Variants in XPO6 observed in about 807,000 individuals in gnomAD.
XPO6 encodes exportin-6.
In XPO6, 3 loss-of-function variants were observed where a neutral mutation model predicts 130.0. The observed-to-expected ratio is 0.02, with a 90% CI of 0.01 to 0.06. XPO6 has a LOEUF of 0.06. Ranked by LOEUF, XPO6 falls within the 10% of genes least tolerant of loss-of-function variation. The pLI is 1.00. For synonymous variants in XPO6, 524 were observed against 548.9 expected, an observed-to-expected ratio of 0.95 and a Z score of 0.63; for missense variants, 970 against 1,393.0, an observed-to-expected ratio of 0.70 and a Z score of 4.83.
intron 8 of XPO6, among the ~76,000 whole-genome samples, chr16:28,151,686 T>G (rs970669387): frequency 2.0e-5 from 3 of 152,146 alleles, no homozygotes; most frequent in Non-Finnish European, 4.4e-5. Context: ...ACACCTAAGA[T>G]TTATGCACTT....
At chr16:28,151,015 T>G (rs557491693) in intron 8 of XPO6, among the ~76,000 whole-genome samples, 1 of 152,074 alleles carries the variant, frequency 6.6e-6, no homozygotes, top group African/African-American at 2.4e-5. Context: ...CTCCCAGGAC[T>G]GGCTCATCCT....
chr16:28,191,059 GCCCCTGGC>G, intron 1 of XPO6, among the ~76,000 whole-genome samples: 2 of 152,086 alleles, frequency 1.3e-5, no homozygotes, highest in African/African-American at 4.8e-5. Flanking sequence ...CCTCTACCTT[GCCCCTGGC>G]TGCTCCCAGC....
chr16:28,145,452 G>A (rs2042966590), intron 9 of XPO6, among the ~76,000 whole-genome samples: 1 of 152,008 alleles, frequency 6.6e-6, no homozygotes, highest in African/African-American at 2.4e-5. Flanking sequence ...ACATATGGGG[G>A]GGGAAACAAA....
intron 13 of XPO6, among the ~76,000 whole-genome samples, chr16:28,123,203 A>G (rs1265398380): frequency 6.6e-6 from 1 of 152,064 alleles, no homozygotes; most frequent in Non-Finnish European, 1.5e-5. Flanking sequence ...CTGGGGCTCA[A>G]GTGATCCTCC....
intron 6 of XPO6, among the ~76,000 whole-genome samples, chr16:28,159,793 T>C (rs1318036999): frequency 6.6e-6 from 1 of 152,234 alleles, no homozygotes; most frequent in Non-Finnish European, 1.5e-5. Context: ...TTTATCATTT[T>C]TTCTTAACCA....
intron 17 of XPO6, among the ~76,000 whole-genome samples, chr16:28,108,869 G>T (rs2086847284): frequency 6.6e-6 from 1 of 152,334 alleles, no homozygotes; most frequent in African/African-American, 2.4e-5. Context: ...TGGATAGAGA[G>T]CATCGCCCCA....
rs116739731 is a variant in XPO6, at chr16:28,199,721, C to T, written c.3+11645G>A. Reference sequence around the variant, plus strand: ...AGCTGGGATTACAGGCACCCACCACCACACCTGGCTAATGGGTTTCACTTA... The same window carrying T: ...AGCTGGGATTACAGGCACCCACCACTACACCTGGCTAATGGGTTTCACTTA... On this transcript the variant is annotated intron_variant, in intron 1 of 23. Transcript: ENST00000304658. Among the ~76,000 whole-genome samples, 727 of 152,204 alleles carry T rather than the reference C, an allele frequency of 4.8e-3. 3 individuals are homozygous for T. The highest frequency in any genetic ancestry group is 0.015 in the African/African-American group (613 of 41,568).
intron 4 of XPO6, among the ~76,000 whole-genome samples, chr16:28,173,617 C>T (rs2043490321): frequency 6.6e-6 from 1 of 152,142 alleles, no homozygotes; most frequent in Non-Finnish European, 1.5e-5. Flanking sequence ...AGACTTTACA[C>T]AAAGTTGGGT....
intron 5 of XPO6, among the ~76,000 whole-genome samples, chr16:28,167,419 C>T (rs937346236): frequency 2.6e-5 from 4 of 152,164 alleles, no homozygotes; most frequent in Admixed American, 6.6e-5. Flanking sequence ...CCGACAGACG[C>T]GGCCTTGCTA....
chr16:28,193,954 G>C (rs2043821555), intron 1 of XPO6, among the ~76,000 whole-genome samples: 1 of 152,094 alleles, frequency 6.6e-6, no homozygotes, highest in African/African-American at 2.4e-5. Context: ...GCTTGTCCTG[G>C]GAAGGCCTTA....
chr16:28,102,480 G>A (rs1170298542), intron 21 of XPO6, among the ~76,000 whole-genome samples: 3 of 152,212 alleles, frequency 2.0e-5, no homozygotes, highest in East Asian at 1.9e-4. Flanking sequence ...GCTCAGTCCT[G>A]TAATCCCAGC....
intron 4 of XPO6, among the ~76,000 whole-genome samples, chr16:28,174,162 C>T (rs532955349): frequency 2.6e-5 from 4 of 152,262 alleles, no homozygotes; most frequent in South Asian, 2.1e-4. Context: ...TCTCCCACCT[C>T]GTGTCCCCCC....
Position 28,098,492 on chromosome 16 carries a change from C to T in XPO6, c.*46G>A, listed in dbSNP as rs761244389. 9.1e-6 allele frequency: 14 copies of T among 1,531,034 alleles called. No individual in the cohort carries two copies. The highest frequency in any genetic ancestry group is 2.3e-5 in the East Asian group (1 of 43,562). 94.8% of individuals were successfully genotyped at this position (1,531,034 alleles called of 1,614,324 possible). ...CATCTGTGGTGGAAGGTAGGGCTGG[C>T]GCAGGTGGCAGCAGCAGAAGTCCGT... On this transcript the variant is annotated 3_prime_UTR_variant, in exon 24 of 24. Coordinates refer to ENST00000304658, the MANE Select transcript of XPO6 (RefSeq NM_015171.4).
At position 28,112,011 on chromosome 16, in the gene XPO6, A is replaced by G; in HGVS notation, c.2152-5T>C. On this transcript the variant is annotated splice_region_variant and splice_polypyrimidine_tract_variant and intron_variant, in intron 16 of 23. Transcript: ENST00000304658. ...TCGGCACACCAACACCTGGGCCTAC[A>G]AGAGACCCCAAAGGCATCCATCAGA... is the stretch of plus-strand genomic sequence containing the variant. 1 of 1,607,718 alleles carries G rather than the reference A, an allele frequency of 6.2e-7. No individual in the cohort carries two copies. The highest frequency in any genetic ancestry group is 8.5e-7 in the Non-Finnish European group (1 of 1,176,846).
chr16:28,190,777 G>C (rs2043773482), intron 1 of XPO6, among the ~76,000 whole-genome samples: 1 of 152,116 alleles, frequency 6.6e-6, no homozygotes, highest in Admixed American at 6.5e-5. Flanking sequence ...ATATGATATA[G>C]GGCAATGGAC....
In XPO6 at chr16:28,169,834, G is replaced by A. The variant is rs1303341801; in HGVS notation, c.481C>T (p.Arg161Cys). 5 of 1,614,192 alleles carry A rather than the reference G, an allele frequency of 3.1e-6. No homozygotes were observed. Among genetic ancestry groups the A allele is most frequent in the African/African-American group, 1.3e-5 (1 of 75,070 alleles). The change falls in exon 5 of 24, where the codon CGT (arginine) becomes TGT (cysteine). Residue 161 changes from arginine to cysteine, a missense_variant. By Grantham distance (180) the Arg-to-Cys change is radical (BLOSUM62 -3). This residue lies in a region of XPO6 where 936 missense variants were observed against 1,306.8 expected (regional missense o/e 0.72). Transcript: ENST00000304658. ...TTCCGAGCCACACTGAGGTCCTCAC[G>A]GGGACAAGCCAGCTCTTCTGAAGTT... ...KTTSEELACPREDLSVARKEE... is the reference protein window; with the variant it reads ...KTTSEELACPCEDLSVARKEE...
intron 8 of XPO6, among the ~76,000 whole-genome samples, chr16:28,147,527 G>A (rs1265493211): frequency 2.0e-5 from 3 of 152,194 alleles, no homozygotes; most frequent in African/African-American, 7.2e-5. Context: ...AACTAGACAG[G>A]ACCAACCTCA....
Position 28,132,462 on chromosome 16 carries a change from G to T in XPO6, c.1537-59C>A. On this transcript the variant is annotated intron_variant, in intron 11 of 23. Coordinates refer to ENST00000304658, the MANE Select transcript of XPO6 (RefSeq NM_015171.4). This position sits in a 1 kb window ranked among gnomAD's most constrained non-coding sequence, Gnocchi z 4.0. The stretch of plus-strand genomic sequence containing the variant: ...TAAGCCATAAATGCAAGTTTTAATA[G>T]CATTTTAACATTACAACATTAACAC... 8.6e-7 allele frequency: 1 copy of T among 1,164,444 alleles called. No homozygotes were observed. Among genetic ancestry groups the T allele is most frequent in the Non-Finnish European group, 1.2e-6 (1 of 801,020 alleles). 72.1% of individuals were successfully genotyped at this position (1,164,444 alleles called of 1,614,324 possible). A position where few individuals can be genotyped will look rare whatever the true frequency, so the allele number is the denominator to read the frequency against.
At position 28,156,313 on chromosome 16, in the gene XPO6, G is replaced by C. The variant is rs1567627821; in HGVS notation, c.858C>G (p.Ala286=). ...TGCCGTTAACTGACGCCATCTTTCT[G>C]GCCCGGATGTCACAGCCAAATCGTG... ...HFARFGCDIR[A]RKMASVNGSS... The change falls in exon 7 of 24, where the codon GCC becomes GCG. Residue 286 remains alanine, a synonymous_variant. Coordinates refer to ENST00000304658, the MANE Select transcript of XPO6 (RefSeq NM_015171.4). 1.2e-6 allele frequency: 2 copies of C among 1,614,032 alleles called. No homozygotes were observed. The highest frequency in any genetic ancestry group is 3.3e-5 in the Admixed American group (2 of 60,010).
Sources: allele counts gnomAD v4.1 joint callset (sites outside exome capture counted in the v4.1 genomes callset), GRCh38; gene constraint gnomAD v4.1.1; regional missense constraint gnomAD v4.1.1; non-coding constraint Gnocchi (gnomAD v3.1); transcripts MANE v1.5; gene names NCBI Gene and HGNC (gene_info 2026-07-23, HGNC 2026-07-21).